The following ADAM32 variants were observed in gnomAD, a reference collection of about 807,000 sequenced individuals.
The protein encoded by ADAM32 is ADAM metallopeptidase domain 32.
ADAM32 carries 89 observed loss-of-function variants against 114.9 expected under a neutral mutation model. The ratio of observed to expected loss-of-function variants is 0.77; its 90% CI spans 0.65 to 0.92. The LOEUF (loss-of-function observed/expected upper bound fraction) is 0.92, where lower values mean the gene tolerates loss of function less well. Among genes scored for constraint, ADAM32 ranks in the 40% least tolerant of loss-of-function variants. The pLI is 0.00. For missense variants in ADAM32, 870 were observed against 932.8 expected, an observed-to-expected ratio of 0.93 and a Z score of 0.88; for synonymous variants, 285 against 307.5, an observed-to-expected ratio of 0.93 and a Z score of 0.77.
At chr8:39,107,939 AC>A (rs1397181968) in intron 1 of ADAM32, 106 bp downstream of exon 1, 32 of 1,372,148 alleles carry the variant, frequency 2.3e-5, no homozygotes, top group Non-Finnish European at 3.0e-5. Context: ...TGGTCCTGTC[AC>A]CCTGGCAACG....
chr8:39,118,438 A>G (rs1840464895), intron 2 of ADAM32, among the ~76,000 whole-genome samples: 2 of 152,164 alleles, frequency 1.3e-5, no homozygotes, highest in African/African-American at 4.8e-5. Flanking sequence ...AGTGATATCT[A>G]GGACATCAGC....
chr8:39,158,557 A>G, intron 6 of ADAM32: 1 of 347,788 alleles, frequency 2.9e-6, no homozygotes. Flanking sequence ...CCAGCCTTGT[A>G]TCCCAGGAAA....
At chr8:39,140,401 T>TGGGGAAA (rs1803074674) in intron 3 of ADAM32, among the ~76,000 whole-genome samples, 1 of 152,236 alleles carries the variant, frequency 6.6e-6, no homozygotes. Context: ...TTTCTGCATC[T>TGGGGAAA]ATTGAGATCA....
chr8:39,277,700 C>T (rs762261265), intron 22 of ADAM32, among the ~76,000 whole-genome samples: 9 of 152,228 alleles, frequency 5.9e-5, no homozygotes, highest in Non-Finnish European at 4.4e-5. Flanking sequence ...CTCCACCACT[C>T]GGGAGGGAGC....
At chr8:39,137,028 G>T (rs1241562393) in intron 3 of ADAM32, among the ~76,000 whole-genome samples, 41 of 152,310 alleles carry the variant, frequency 2.7e-4, no homozygotes, top group Non-Finnish European at 1.5e-5. Flanking sequence ...TCTGTAGCTG[G>T]TTTATATCAG....
chr8:39,197,593 T>C (rs1807095624), intron 11 of ADAM32, among the ~76,000 whole-genome samples: 1 of 152,150 alleles, frequency 6.6e-6, no homozygotes, highest in Admixed American at 6.5e-5. Context: ...TTCAGGAGCA[T>C]TCGTTTACCT....
At chr8:39,138,883 G>A (rs960154517) in intron 3 of ADAM32, among the ~76,000 whole-genome samples, 2 of 152,182 alleles carry the variant, frequency 1.3e-5, no homozygotes. Context: ...GCGTGAGATG[G>A]TATCTCATTG....
chr8:39,230,726 C>A (rs1420943199), intron 14 of ADAM32, among the ~76,000 whole-genome samples: 2 of 151,618 alleles, frequency 1.3e-5, no homozygotes, highest in Non-Finnish European at 2.9e-5. Flanking sequence ...AAGCAAAAAA[C>A]CAAAAAAGAA....
chr8:39,273,538 A>C (rs1812877089), intron 20 of ADAM32, among the ~76,000 whole-genome samples: 1 of 151,986 alleles, frequency 6.6e-6, no homozygotes, highest in Non-Finnish European at 1.5e-5. Flanking sequence ...AAAAACAAAC[A>C]AACAAACAAA....
At position 39,148,042 on chromosome 8, in the gene ADAM32, G is replaced by A. The variant is rs180699710; in HGVS notation, c.276+837G>A. Reference sequence around the variant, plus strand: ...GATCCACCTGCCTTGGCCTCCCACAGTGCTAGGATTACAGGTGTGAGCCAC... The same window carrying A: ...GATCCACCTGCCTTGGCCTCCCACAATGCTAGGATTACAGGTGTGAGCCAC... On this transcript the variant is annotated intron_variant, in intron 4 of 24. Coordinates refer to ENST00000379907, the MANE Select transcript of ADAM32 (RefSeq NM_145004.7). Among the ~76,000 whole-genome samples the A allele has an allele frequency of 1.8e-3, 272 of 152,184 alleles. 1 individual carries two copies. Among genetic ancestry groups the A allele is most frequent in the Admixed American group, 3.9e-3 (60 of 15,284 alleles).
intron 6 of ADAM32, among the ~76,000 whole-genome samples, chr8:39,156,417 G>C (rs985371166): frequency 6.6e-6 from 1 of 152,200 alleles, no homozygotes; most frequent in Non-Finnish European, 1.5e-5. Flanking sequence ...AGTGCCAGGA[G>C]TATAAGTGTA....
chr8:39,223,091 A>G lies in ADAM32; in HGVS notation c.1378A>G (p.Ile460Val), dbSNP rs764211109. Reference sequence around the variant, plus strand: ...GCCGAAAGCACATCCTGAATGTGACATCGCTGAAAATTGTAATGGAACCTC... The same window carrying G: ...GCCGAAAGCACATCCTGAATGTGACGTCGCTGAAAATTGTAATGGAACCTC... ...CRPKAHPECD[I>V]AENCNGTSPE... The change falls in exon 14 of 25, where the codon ATC becomes GTC. Residue 460 changes from isoleucine (I) to valine (V), a missense_variant. Coordinates refer to ENST00000379907, the MANE Select transcript of ADAM32 (RefSeq NM_145004.7). 5.7e-6 allele frequency: 9 copies of G among 1,591,906 alleles called. No homozygotes were observed. The East Asian group carries it at 2.1e-4, about 37-fold the overall frequency.
intron 10 of ADAM32, among the ~76,000 whole-genome samples, chr8:39,175,531 T>C (rs1293775857): frequency 6.6e-6 from 1 of 152,216 alleles, no homozygotes; most frequent in Admixed American, 6.5e-5. Context: ...CGAAGCCAAC[T>C]TGATCATAGT....
chr8:39,188,190 A>G (rs890153338), intron 11 of ADAM32, among the ~76,000 whole-genome samples: 5 of 152,142 alleles, frequency 3.3e-5, no homozygotes, highest in Non-Finnish European at 7.4e-5. Flanking sequence ...AATAGCTCAA[A>G]CTCAACATAT....
intron 1 of ADAM32, among the ~76,000 whole-genome samples, chr8:39,116,623 T>C (rs893411439): frequency 6.6e-6 from 1 of 152,200 alleles, no homozygotes; most frequent in Non-Finnish European, 1.5e-5. Context: ...TTATCAGATC[T>C]AGGAGCCTTT....
At chr8:39,209,131 G>A (rs976748888) in intron 11 of ADAM32, among the ~76,000 whole-genome samples, 7 of 151,746 alleles carry the variant, frequency 4.6e-5, no homozygotes, top group African/African-American at 1.7e-4. Flanking sequence ...TGTACATTTG[G>A]TATCTCACTG....
At chr8:39,225,345 A>C (rs1809283217) in intron 14 of ADAM32, among the ~76,000 whole-genome samples, 1 of 152,140 alleles carries the variant, frequency 6.6e-6, no homozygotes, top group South Asian at 2.1e-4. Flanking sequence ...ACTCTACTTC[A>C]TACATCATTA....
At chr8:39,153,143 T>C (rs1321288824) in intron 6 of ADAM32, among the ~76,000 whole-genome samples, 1 of 152,254 alleles carries the variant, frequency 6.6e-6, no homozygotes, top group Non-Finnish European at 1.5e-5. Context: ...TTTCTGTCTC[T>C]GTGTAGACGG....
At chr8:39,143,479 C>T (rs1379837865) in intron 3 of ADAM32, among the ~76,000 whole-genome samples, 2 of 152,120 alleles carry the variant, frequency 1.3e-5, no homozygotes, top group African/African-American at 4.8e-5. Context: ...AGCTGCAGGT[C>T]TGTTGGAGTT....
Sources: gnomAD v4.1 joint callset for allele counts (sites outside exome capture counted in the v4.1 genomes callset) on GRCh38, gnomAD v4.1.1 for gene constraint, MANE v1.5 for transcripts, NCBI Gene and HGNC (gene_info 2026-07-23, HGNC 2026-07-21) for gene names.